The following PRPS2 variants were observed in gnomAD, a reference collection of about 807,000 sequenced individuals.
PRPS2 encodes the protein phosphoribosyl pyrophosphate synthetase 2.
For synonymous variants in PRPS2, 111 were observed against 115.3 expected (o/e 0.96, Z 0.24); for missense variants, 104 against 271.5 (o/e 0.38, Z 4.34).
At chrX:12,801,248 GTGTGTA>G (rs1263392123) in intron 2 of PRPS2, among the ~76,000 whole-genome samples, 80 of 107,428 alleles carry the variant, frequency 7.4e-4, no homozygotes, top group African/African-American at 2.8e-3. Flanking sequence ...GTGTGTGTGT[GTGTGTA>G]TGTGTGTGTG....
intron 4 of PRPS2, 88 bp from the exon 5 acceptor site, chrX:12,819,419 G>A: frequency 9.7e-7 from 1 of 1,030,804 alleles, no homozygotes; most frequent in Non-Finnish European, 1.3e-6. Context: ...TCTCTCGGGT[G>A]TGGTTGCCTG....
chrX:12,796,213 CTTTTTTTTT>C (rs751352461), intron 1 of PRPS2, among the ~76,000 whole-genome samples: 4 of 38,679 alleles, frequency 1.0e-4, no homozygotes, highest in South Asian at 1.4e-3. Context: ...ATAATTGGCT[CTTTTTTTTT>C]TTTTTTTTTT....
At chrX:12,810,787 C>G (rs1167770595) in intron 4 of PRPS2, among the ~76,000 whole-genome samples, 3 of 108,548 alleles carry the variant, frequency 2.8e-5, no homozygotes, top group African/African-American at 1.0e-4. Flanking sequence ...GTGCTCCAGG[C>G]TGCAGAGAGC....
intron 2 of PRPS2, among the ~76,000 whole-genome samples, chrX:12,803,132 AAT>A (rs1302358785): frequency 8.9e-6 from 1 of 111,878 alleles, no homozygotes; most frequent in East Asian, 2.8e-4. Flanking sequence ...TTGGCAGAGG[AAT>A]ATTCCTTTTG....
Position 12,807,755 on chromosome X carries a change from AAAC to A in PRPS2, c.307-1476_307-1474del, listed in dbSNP as rs1161819511. Among the ~76,000 whole-genome samples the A allele has an allele frequency of 8.9e-5, 10 of 112,095 alleles. No individual in the cohort carries two copies. The East Asian group carries it at 2.8e-3, about 31-fold the overall frequency. ...AGTGGAGAAGATTGAAAAAATAAAA[AAAC>A]AAGAAAAATATATTTTCCTATAATC... is the stretch of plus-strand genomic sequence containing the variant. On this transcript the variant is annotated intron_variant, in intron 2 of 6. Coordinates refer to ENST00000380668, the MANE Select transcript of PRPS2 (RefSeq NM_002765.5).
intron 1 of PRPS2, among the ~76,000 whole-genome samples, chrX:12,792,508 G>A (rs2042524971): frequency 9.0e-6 from 1 of 111,682 alleles, no homozygotes; most frequent in South Asian, 3.7e-4. Context: ...GCTGACCTGG[G>A]GGGCTCCTTT....
At chrX:12,817,944 A>T (rs962169435) in intron 4 of PRPS2, among the ~76,000 whole-genome samples, 1 of 111,627 alleles carries the variant, frequency 9.0e-6, no homozygotes, top group African/African-American at 3.3e-5. Context: ...TTTTGATATC[A>T]TGAAATGTTC....
chrX:12,811,336 G>C (rs753249706), intron 4 of PRPS2, among the ~76,000 whole-genome samples: 1 of 112,135 alleles, frequency 8.9e-6, no homozygotes, highest in Non-Finnish European at 1.9e-5. Context: ...GTGTGAGAAC[G>C]TGGTACTAAG....
chrX:12,814,813 C>T (rs773952765), intron 4 of PRPS2, among the ~76,000 whole-genome samples: 1 of 111,903 alleles, frequency 8.9e-6, no homozygotes, highest in Non-Finnish European at 1.9e-5. Context: ...TGAAGATGCT[C>T]TATAGGAAAT....
intron 1 of PRPS2, among the ~76,000 whole-genome samples, chrX:12,797,872 G>A (rs1602408856): frequency 8.9e-6 from 1 of 112,499 alleles, no homozygotes; most frequent in Middle Eastern, 4.6e-3. Flanking sequence ...AAACTTAGCT[G>A]CTATTTACTC....
chrX:12,806,677 G>C (rs1407227709), intron 2 of PRPS2, among the ~76,000 whole-genome samples: 2 of 112,591 alleles, frequency 1.8e-5, no homozygotes. Context: ...GATCCTAGAA[G>C]TTAAGAAACA....
rs1419333866 is a variant in PRPS2 at position 12,820,630 on chromosome X, C to A, written c.705-14C>A. ...TTTGCATACCCTTAATTTTTATCTT[C>A]TGCTGTTCTACAGGCTGCTGTCAGC... is the stretch of plus-strand genomic sequence containing the variant. On this transcript the variant is annotated splice_polypyrimidine_tract_variant and intron_variant, in intron 5 of 6. Coordinates refer to ENST00000380668, the MANE Select transcript of PRPS2 (RefSeq NM_002765.5). The A allele has an allele frequency of 2.5e-6, 3 of 1,196,774 alleles. No individual in the cohort carries two copies. Among genetic ancestry groups the A allele is most frequent in the Non-Finnish European group, 3.4e-6 (3 of 888,238 alleles).
At chrX:12,799,424 G>A in intron 2 of PRPS2, 34 bp downstream of exon 2, 1 of 1,161,625 alleles carries the variant, frequency 8.6e-7, no homozygotes, top group South Asian at 2.0e-5. Flanking sequence ...AACCTGCTGT[G>A]GGCCACTGTC....
chrX:12,820,434 C>T (rs1003512368), intron 5 of PRPS2, among the ~76,000 whole-genome samples: 1 of 111,387 alleles, frequency 9.0e-6, no homozygotes, highest in South Asian at 3.8e-4. Context: ...TATCCTGGCT[C>T]AAGTGCCAAG....
chrX:12,815,932 C>T (rs1489868107), intron 4 of PRPS2, among the ~76,000 whole-genome samples: 4 of 112,011 alleles, frequency 3.6e-5, no homozygotes, highest in Admixed American at 9.4e-5. Context: ...TGTGAGCCAC[C>T]GTGCCTGGCT....
chrX:12,796,852 A>ATTTTTTTTT (rs35240522), intron 1 of PRPS2, among the ~76,000 whole-genome samples: 10 of 34,243 alleles, frequency 2.9e-4, no homozygotes, highest in Admixed American at 4.6e-4. Flanking sequence ...AGTATTTCAG[A>ATTTTTTTTT]TTTTTTTTTT....
chrX:12,811,182 C>T (rs1226042062), intron 4 of PRPS2, among the ~76,000 whole-genome samples: 1 of 112,433 alleles, frequency 8.9e-6, no homozygotes, highest in Non-Finnish European at 1.9e-5. Context: ...CATGTGCAGA[C>T]AACAGGGCAG....
At chrX:12,821,098 C>T (rs2042673347) in intron 6 of PRPS2, among the ~76,000 whole-genome samples, 1 of 112,102 alleles carries the variant, frequency 8.9e-6, no homozygotes, top group South Asian at 3.6e-4. Context: ...TCCAATAATT[C>T]CACCCCTAGG....
intron 6 of PRPS2, 118 bp from the exon 7 acceptor site, chrX:12,822,586 A>G (rs2042681391): frequency 1.5e-6 from 1 of 668,935 alleles, no homozygotes; most frequent in Non-Finnish European, 2.4e-6. Flanking sequence ...TTTTGATAGC[A>G]ACACATCATG....
Sources: gnomAD v4.1 joint callset for allele counts (sites outside exome capture counted in the v4.1 genomes callset) on GRCh38, gnomAD v4.1.1 for gene constraint, MANE v1.5 for transcripts, NCBI Gene and HGNC (gene_info 2026-07-23, HGNC 2026-07-21) for gene names.